Variants in IFT43 observed in about 807,000 individuals in gnomAD.
IFT43 encodes intraflagellar transport protein 43 homolog.
Under a neutral mutation model 32.3 loss-of-function variants are expected in IFT43, and 33 were observed. That is an observed-to-expected ratio of 1.02 (90% CI 0.77 to 1.37). The LOEUF (loss-of-function observed/expected upper bound fraction) is 1.37. Ranked by LOEUF, IFT43 falls within the 40% of genes most tolerant of loss-of-function variation. IFT43 has a pLI of 0.00. For missense variants in IFT43, 274 were observed against 265.9 expected (o/e 1.03, Z -0.21); for synonymous variants, 93 against 98.2 (o/e 0.95, Z 0.31).
intron 2 of IFT43, among the ~76,000 whole-genome samples, chr14:76,017,814 C>T (rs138598407): frequency 5.9e-5 from 9 of 152,160 alleles, no homozygotes; most frequent in African/African-American, 2.2e-4. Context: ...TCCATTTCCT[C>T]TAGGATTTCC....
intron 2 of IFT43, among the ~76,000 whole-genome samples, chr14:76,001,292 GAAA>G: frequency 6.6e-6 from 1 of 152,206 alleles, no homozygotes; most frequent in East Asian, 1.9e-4. Context: ...CTTATAATTG[GAAA>G]AAAAGTCATA....
chr14:76,074,224 A>G (rs1006036117), intron 5 of IFT43, among the ~76,000 whole-genome samples: 2 of 152,164 alleles, frequency 1.3e-5, no homozygotes, highest in Admixed American at 1.3e-4. Context: ...TCTCTGTCAC[A>G]TTAATACCAG....
intron 2 of IFT43, among the ~76,000 whole-genome samples, chr14:75,991,421 G>GTGTGTA (rs541400937): frequency 7.1e-6 from 1 of 140,716 alleles, no homozygotes; most frequent in Non-Finnish European, 1.6e-5. Context: ...GTGTGTGTGT[G>GTGTGTA]TGTGTATGTA....
chr14:75,985,907 C>A, intron 1 of IFT43, 67 bp downstream of exon 1: 1 of 1,587,808 alleles, frequency 6.3e-7, no homozygotes. Flanking sequence ...CCCCGCCGGC[C>A]CCGACTTCTC....
At chr14:76,074,653 C>G (rs543316216) in intron 5 of IFT43, among the ~76,000 whole-genome samples, 1 of 152,308 alleles carries the variant, frequency 6.6e-6, no homozygotes, top group South Asian at 2.1e-4. Flanking sequence ...GGTGGGATGA[C>G]AGGAACATTG....
chr14:75,985,836 C>G lies in IFT43; in HGVS notation c.50C>G (p.Thr17Ser). Residue 17 changes from threonine to serine, a missense_variant, in exon 1 of 9, where the codon ACC (threonine) becomes AGC (serine). Physicochemically the swap from Thr to Ser is moderately conservative, Grantham distance 58. Coordinates refer to ENST00000314067, the MANE Select transcript of IFT43 (RefSeq NM_001102564.3). ...GAGGAGCTTCGCTACAGCTTGGCTA[C>G]CTCCGTGAGGACCAATTCGGGGGCC... ...LDEELRYSLA[T>S]SRAKMGRRAQ... 2 of 1,614,130 alleles carry G rather than the reference C, an allele frequency of 1.2e-6. No individual in the cohort carries two copies. The highest frequency in any genetic ancestry group is 1.7e-6 in the Non-Finnish European group (2 of 1,180,022).
intron 3 of IFT43, among the ~76,000 whole-genome samples, chr14:76,032,400 G>A (rs2036524490): frequency 2.0e-5 from 3 of 152,150 alleles, no homozygotes; most frequent in African/African-American, 7.2e-5. Flanking sequence ...CCCTGCAGTA[G>A]CATGCCAACC....
downstream of IFT43, chr14:76,083,928 A>G (rs1301069669): frequency 6.3e-6 from 3 of 474,696 alleles, no homozygotes; most frequent in South Asian, 1.5e-5. Context: ...GGAGGTTTCA[A>G]ACAGTTGCCT....
chr14:76,067,082 T>C (rs1424893855), intron 5 of IFT43, among the ~76,000 whole-genome samples: 1 of 152,212 alleles, frequency 6.6e-6, no homozygotes, highest in Non-Finnish European at 1.5e-5. Context: ...TAGACAACTT[T>C]CAGGAGACAT....
At chr14:76,005,246 G>T (rs527763647) in intron 2 of IFT43, among the ~76,000 whole-genome samples, 3 of 152,188 alleles carry the variant, frequency 2.0e-5, no homozygotes, top group African/African-American at 7.2e-5. Flanking sequence ...TAAACTATTT[G>T]TGGATCACCT....
At chr14:75,991,359 T>TTATATA (rs370792084) in intron 2 of IFT43, among the ~76,000 whole-genome samples, 10 of 141,610 alleles carry the variant, frequency 7.1e-5, no homozygotes, top group African/African-American at 2.5e-4. Context: ...AGAGTATATA[T>TTATATA]TATATATATA....
Position 76,083,493 on chromosome 14 carries a change from T to C in IFT43, c.543T>C (p.Thr181=), listed in dbSNP as rs770128099. 4 of 1,614,164 alleles carry C rather than the reference T, an allele frequency of 2.5e-6. No individual in the cohort carries two copies. The highest frequency in any genetic ancestry group is 1.7e-5 in the Admixed American group (1 of 60,030). The change falls in exon 9 of 9, where the codon ACT becomes ACC. Residue 181 remains threonine (T), a synonymous_variant. Transcript: ENST00000314067. ...DVGWDWDHLF[T]EVSSEVLTEW... ...GCTGGGACTGGGACCATCTGTTCAC[T>C]GAGGTGTCCTCAGAGGTCCTCACTG...
chr14:75,996,409 C>G (rs2035748802), intron 2 of IFT43, among the ~76,000 whole-genome samples: 1 of 152,186 alleles, frequency 6.6e-6, no homozygotes, highest in African/African-American at 2.4e-5. Flanking sequence ...ATATAAAGCT[C>G]TTAGAGCAGT....
downstream of IFT43, chr14:76,083,926 C>T: frequency 2.1e-6 from 1 of 476,344 alleles, no homozygotes; most frequent in Non-Finnish European, 4.1e-6. Context: ...CGGGAGGTTT[C>T]AAACAGTTGC....
intron 5 of IFT43, among the ~76,000 whole-genome samples, chr14:76,071,917 C>G (rs777450077): frequency 9.9e-5 from 15 of 152,190 alleles, no homozygotes; most frequent in African/African-American, 1.9e-4. Context: ...CCTAACCCCC[C>G]CTGCTCACAG....
At chr14:76,008,527 TATG>T (rs1376424405) in intron 2 of IFT43, among the ~76,000 whole-genome samples, 4 of 152,124 alleles carry the variant, frequency 2.6e-5, no homozygotes, top group Admixed American at 2.6e-4. Flanking sequence ...TCAGTGGAGA[TATG>T]ATGAGCACAA....
intron 3 of IFT43, among the ~76,000 whole-genome samples, chr14:76,056,099 TAGAC>T (rs2037009472): frequency 6.6e-6 from 1 of 152,128 alleles, no homozygotes; most frequent in Non-Finnish European, 1.5e-5. Context: ...AAACAAAAAA[TAGAC>T]AGCAGTATGG....
At chr14:76,008,794 T>A (rs528861520) in intron 2 of IFT43, among the ~76,000 whole-genome samples, 1 of 152,380 alleles carries the variant, frequency 6.6e-6, no homozygotes, top group East Asian at 1.9e-4. Context: ...TTATACTGAA[T>A]GCAGCCTAAC....
At chr14:76,003,788 T>C (rs1343336324) in intron 2 of IFT43, among the ~76,000 whole-genome samples, 1 of 151,944 alleles carries the variant, frequency 6.6e-6, no homozygotes, top group African/African-American at 2.4e-5. Flanking sequence ...TTGTTTTGTT[T>C]TGTTTTTGAG....
Sources: allele counts gnomAD v4.1 joint callset (sites outside exome capture counted in the v4.1 genomes callset), GRCh38; gene constraint gnomAD v4.1.1; transcripts MANE v1.5; gene names NCBI Gene and HGNC (gene_info 2026-07-23, HGNC 2026-07-21).